Variants in RGS3 observed in about 807,000 individuals in gnomAD.
RGS3 encodes regulator of G protein signaling 3, also known as regulator of G-protein signalling 3.
RGS3 carries 80 observed loss-of-function variants against 132.6 expected under a neutral mutation model. That is an observed-to-expected ratio of 0.60 (90% CI 0.50 to 0.73). The LOEUF (loss-of-function observed/expected upper bound fraction) is 0.73. RGS3 is among the 30% of genes least tolerant of loss of function. The pLI, the probability that RGS3 is intolerant of heterozygous loss-of-function variation, is 0.00. For missense variants in RGS3, 1,382 were observed against 1,530.8 expected, an observed-to-expected ratio of 0.90 and a Z score of 1.62; for synonymous variants, 598 against 620.6, an observed-to-expected ratio of 0.96 and a Z score of 0.54.
intron 15 of RGS3, among the ~76,000 whole-genome samples, chr9:113,516,145 G>A (rs572618555): frequency 9.2e-5 from 14 of 152,276 alleles, no homozygotes; most frequent in African/African-American, 2.6e-4. Flanking sequence ...ATTTCTGCCT[G>A]TGCCTCTCTG....
intron 10 of RGS3, among the ~76,000 whole-genome samples, chr9:113,498,680 C>T (rs190307961): frequency 8.0e-4 from 121 of 152,110 alleles, no homozygotes; most frequent in Middle Eastern, 6.8e-3. Flanking sequence ...TTTGGGAGGC[C>T]GAGGTGGGCG....
At chr9:113,559,361 C>T (rs1299684466) in intron 19 of RGS3, among the ~76,000 whole-genome samples, 1 of 152,252 alleles carries the variant, frequency 6.6e-6, no homozygotes, top group Admixed American at 6.5e-5. Context: ...TCCCAGCCAT[C>T]CTGAGCTGCT....
intron 20 of RGS3, among the ~76,000 whole-genome samples, chr9:113,585,072 A>G (rs905403518): frequency 2.0e-5 from 3 of 152,244 alleles, no homozygotes; most frequent in South Asian, 2.1e-4. Flanking sequence ...ATAAGTATTT[A>G]TGGATTTCCT....
At chr9:113,595,973 G>A (rs781543263) in intron 24 of RGS3, among the ~76,000 whole-genome samples, 11 of 152,348 alleles carry the variant, frequency 7.2e-5, no homozygotes, top group East Asian at 1.9e-4. Context: ...AGGCACTGCC[G>A]CATGCCAGGC....
chr9:113,503,892 C>T (rs1430708034), intron 10 of RGS3, among the ~76,000 whole-genome samples: 9 of 152,182 alleles, frequency 5.9e-5, no homozygotes, highest in East Asian at 1.9e-4. Context: ...CTCGTACCCG[C>T]GTTTGTTTTT....
At chr9:113,582,324 T>C (rs1834863699) in intron 19 of RGS3, 1 of 586,466 alleles carries the variant, frequency 1.7e-6, no homozygotes. Flanking sequence ...TCTTAACCCA[T>C]GTTCTGGGGG....
At chr9:113,594,138 G>A (rs188503664) in intron 21 of RGS3, 1 of 1,613,146 alleles carries the variant, frequency 6.2e-7, no homozygotes, top group Admixed American at 1.7e-5. Flanking sequence ...CAGTCATCAG[G>A]CCAGGATTCC....
intron 10 of RGS3, chr9:113,504,905 TCTCTTCCTCTGACC>T (rs1305408909): frequency 1.3e-5 from 2 of 153,816 alleles, no homozygotes; most frequent in Admixed American, 6.4e-5. Flanking sequence ...GAACCTCAGC[TCTCTTCCTCTGACC>T]CTTGGCCTGA....
chr9:113,518,013 T>G (rs1831762388), intron 16 of RGS3, among the ~76,000 whole-genome samples: 2 of 152,216 alleles, frequency 1.3e-5, no homozygotes, highest in Non-Finnish European at 2.9e-5. Flanking sequence ...CTGAGTTTTC[T>G]GGGCCTGTTT....
chr9:113,468,292 A>G (rs1280881033), intron 3 of RGS3, among the ~76,000 whole-genome samples: 1 of 152,176 alleles, frequency 6.6e-6, no homozygotes, highest in East Asian at 1.9e-4. Flanking sequence ...TCCCAGTACC[A>G]TTTGTTGAAA....
At chr9:113,461,651 T>C in intron 1 of RGS3, 1 of 1,553,042 alleles carries the variant, frequency 6.4e-7, no homozygotes, top group Non-Finnish European at 8.7e-7. Context: ...GTAGAATCTT[T>C]GTTCCCATTA....
At chr9:113,523,874 T>C (rs966430681) in intron 17 of RGS3, among the ~76,000 whole-genome samples, 16 of 152,302 alleles carry the variant, frequency 1.1e-4, no homozygotes, top group African/African-American at 3.6e-4. Context: ...TTGCAAACTG[T>C]CCTGCCTGCT....
chr9:113,462,114 C>T (rs2119160095), exon 3 of RGS3: 1 of 1,614,132 alleles, frequency 6.2e-7, no homozygotes, highest in Non-Finnish European at 8.5e-7. Flanking sequence ...GTGGCTAAGC[C>T]CTGATATCGC....
chr9:113,541,890 C>G (rs1463087187), intron 19 of RGS3: 22 of 984,016 alleles, frequency 2.2e-5, no homozygotes, highest in Non-Finnish European at 2.4e-5. Flanking sequence ...ATTTCGGGTG[C>G]ATCTACTTTA....
chr9:113,577,924 G>A (rs1298190676), intron 19 of RGS3, among the ~76,000 whole-genome samples: 1 of 152,248 alleles, frequency 6.6e-6, no homozygotes, highest in Non-Finnish European at 1.5e-5. Context: ...ACAAGGACAA[G>A]GATCATGTCT....
chr9:113,581,949 G>T lies in RGS3; in HGVS notation c.2038-1501G>T, dbSNP rs145402287. The T allele has an allele frequency of 4.7e-6, 4 of 846,928 alleles. No individual in the cohort carries two copies. In the East Asian group the frequency reaches 4.9e-4, roughly 104 times the overall value. The allele number at this position is 846,928 out of a possible 1,614,324, so 52.5% of individuals were successfully genotyped here. On this transcript the variant is annotated intron_variant, in intron 19 of 24. Coordinates refer to ENST00000350696, the Ensembl canonical transcript of RGS3. The stretch of plus-strand genomic sequence containing the variant: ...CCAGATCACGCTAGAGTCCTCCAAG[G>T]CCTCCCCTCCCTTGCCCAGCCACCT...
intron 19 of RGS3, chr9:113,580,680 G>T (rs1834750681): frequency 2.3e-6 from 1 of 436,228 alleles, no homozygotes; most frequent in Non-Finnish European, 3.1e-6. Context: ...ATCTCTCTGG[G>T]TAGGTGCCCT....
Position 113,498,020 on chromosome 9 carries a change from T to A in RGS3, c.842-5T>A, listed in dbSNP as rs1830742228. The A allele has an allele frequency of 1.2e-6, 2 of 1,613,782 alleles. No individual in the cohort carries two copies. The highest frequency in any genetic ancestry group is 8.5e-7 in the Non-Finnish European group (1 of 1,179,892). On this transcript the variant is annotated splice_region_variant and splice_polypyrimidine_tract_variant and intron_variant, in intron 9 of 24. Transcript: ENST00000350696. ...GTTTTCTGATTCTGCTCTGTCACCT[T>A]CCAGACCCGCTGCTGAGAATGCCAG...
At chr9:113,483,213 C>A (rs1830221961) in intron 5 of RGS3, 96 bp downstream of exon 3, 1 of 834,644 alleles carries the variant, frequency 1.2e-6, no homozygotes. Flanking sequence ...GGCTGGTGAC[C>A]TTTGAGGAGG....
Sources: allele counts gnomAD v4.1 joint callset (sites outside exome capture counted in the v4.1 genomes callset), GRCh38; gene constraint gnomAD v4.1.1; transcripts MANE v1.5; gene names NCBI Gene and HGNC (gene_info 2026-07-23, HGNC 2026-07-21).